Variants in RERE observed in about 807,000 individuals in gnomAD.
RERE encodes arginine-glutamic acid dipeptide repeats protein.
A neutral mutation model predicts 146.1 loss-of-function variants in RERE; 40 were observed. The ratio of observed to expected loss-of-function variants is 0.27; its 90% confidence interval spans 0.21 to 0.36. RERE has a LOEUF of 0.36. RERE is among the 10% of genes least tolerant of loss of function. The probability of loss-of-function intolerance (pLI) is 1.00; values close to 1 mark genes in which losing one functional copy is unlikely to be tolerated. For synonymous variants in RERE, 1,003 were observed against 866.0 expected (o/e 1.16, Z -2.78); for missense variants, 1,933 against 2,138.7 (o/e 0.90, Z 1.90).
chr1:8,650,828 C>T (rs749706566), intron 2 of RERE, among the ~76,000 whole-genome samples: 4 of 151,472 alleles, frequency 2.6e-5, no homozygotes, highest in East Asian at 1.9e-4. Context: ...ACCCAGGAGG[C>T]GGAGGTTGCA....
At chr1:8,369,508 T>TAAAAAAAAAAAAAAAAAAAAAAAAAAAA (rs1186718390) in intron 12 of RERE, among the ~76,000 whole-genome samples, 2 of 76,886 alleles carry the variant, frequency 2.6e-5, no homozygotes, top group African/African-American at 8.5e-5. Context: ...CGCCTTTTAC[T>TAAAAAAAAAAAAAAAAAAAAAAAAAAAA]AAAAAAAAAA....
chr1:8,469,028 T>C (rs904790552), intron 10 of RERE, among the ~76,000 whole-genome samples: 1 of 152,192 alleles, frequency 6.6e-6, no homozygotes, highest in Non-Finnish European at 1.5e-5. Flanking sequence ...TTGAGAGAGT[T>C]ACTTATCATT....
At chr1:8,713,821 G>A (rs1355682515) in intron 1 of RERE, among the ~76,000 whole-genome samples, 1 of 151,934 alleles carries the variant, frequency 6.6e-6, no homozygotes, top group Non-Finnish European at 1.5e-5. Context: ...TAACATTAAA[G>A]GTATTTTATT....
chr1:8,441,752 T>C (rs1211234461), intron 11 of RERE, among the ~76,000 whole-genome samples: 1 of 152,192 alleles, frequency 6.6e-6, no homozygotes, highest in African/African-American at 2.4e-5. Flanking sequence ...GGCACTTACG[T>C]GTTTAAAAAA....
chr1:8,702,167 A>AACAGTG (rs1254946128), intron 1 of RERE, among the ~76,000 whole-genome samples: 2 of 152,176 alleles, frequency 1.3e-5, no homozygotes, highest in Non-Finnish European at 2.9e-5. Context: ...CAGTGTCTCA[A>AACAGTG]TCTTAAAACA....
chr1:8,744,736 T>G (rs1337947904), intron 1 of RERE, among the ~76,000 whole-genome samples: 1 of 152,224 alleles, frequency 6.6e-6, no homozygotes, highest in Non-Finnish European at 1.5e-5. Context: ...TACAAAGTTC[T>G]ACACTGCATT....
chr1:8,790,660 T>C (rs1641347695), intron 1 of RERE, among the ~76,000 whole-genome samples: 1 of 152,240 alleles, frequency 6.6e-6, no homozygotes, highest in Admixed American at 6.5e-5. Context: ...CTCAGATCAC[T>C]GCAATCTCCA....
rs1639266037 is a variant in RERE at position 8,694,017 on chromosome 1, A to G, written c.-144-37576T>C. ...CCTGTTAGCAAAACTGAACAACACC[A>G]ATTTTCTTTCCCAAAAAAAAAAAAA... On this transcript the variant is annotated intron_variant, in intron 1 of 22. Coordinates refer to ENST00000400908, the MANE Select transcript of RERE (RefSeq NM_001042681.2). Among the ~76,000 whole-genome samples the G allele has an allele frequency of 2.9e-5, 4 of 138,570 alleles. 1 individual carries two copies. The South Asian group carries it at 9.2e-4, about 32-fold the overall frequency. 90.9% of individuals were successfully genotyped at this position (138,570 alleles called of 152,430 possible).
At chr1:8,511,590 G>T (rs1230661587) in intron 7 of RERE, among the ~76,000 whole-genome samples, 5 of 152,090 alleles carry the variant, frequency 3.3e-5, no homozygotes, top group African/African-American at 9.7e-5. Context: ...CACCACCTTA[G>T]ACAAAGCTTG....
At chr1:8,503,766 T>C (rs892221463) in intron 8 of RERE, among the ~76,000 whole-genome samples, 2 of 152,186 alleles carry the variant, frequency 1.3e-5, no homozygotes, top group Non-Finnish European at 2.9e-5. Context: ...AGGAACTGTT[T>C]CAAGTAACTC....
chr1:8,414,069 A>AAAG (rs1264747916), intron 12 of RERE, among the ~76,000 whole-genome samples: 2 of 150,706 alleles, frequency 1.3e-5, no homozygotes, highest in East Asian at 2.0e-4. Flanking sequence ...AAAAAAAAAA[A>AAAG]AAAAGAAATG....
intron 11 of RERE, among the ~76,000 whole-genome samples, chr1:8,448,005 C>T (rs1472869260): frequency 2.0e-5 from 3 of 152,192 alleles, no homozygotes; most frequent in African/African-American, 4.8e-5. Flanking sequence ...TATGTCATGT[C>T]GTGCTCCTCT....
At chr1:8,797,036 C>T (rs74050292) in intron 1 of RERE, among the ~76,000 whole-genome samples, 3,439 of 151,762 alleles carry the variant, frequency 0.023, 123 homozygotes, top group African/African-American at 0.078. Context: ...ACCCAACAGA[C>T]GGAAGCCAGT....
chr1:8,441,305 A>C (rs1644244642), intron 11 of RERE, among the ~76,000 whole-genome samples: 1 of 152,180 alleles, frequency 6.6e-6, no homozygotes, highest in South Asian at 2.1e-4. Flanking sequence ...TTCTCTTTCC[A>C]ACAATCCATC....
At chr1:8,786,210 C>T (rs1381450150) in intron 1 of RERE, 3 of 860,960 alleles carry the variant, frequency 3.5e-6, no homozygotes, top group South Asian at 1.3e-5. Flanking sequence ...GTTCATTCTT[C>T]TAAGAAGCCT....
Position 8,805,007 on chromosome 1 carries a change from G to GTTTTTTTTTTTT in RERE, c.-145+12152_-145+12153insAAAAAAAAAAAA, listed in dbSNP as rs1557553356. Among the ~76,000 whole-genome samples the GTTTTTTTTTTTT allele has an allele frequency of 4.4e-4, 27 of 61,350 alleles. 3 individuals are homozygous for GTTTTTTTTTTTT. Among genetic ancestry groups the GTTTTTTTTTTTT allele is most frequent in the Non-Finnish European group, 6.0e-4 (19 of 31,886 alleles). The allele number at this position is 61,350 out of a possible 152,430, so 40.2% of individuals were successfully genotyped here. A position where few individuals can be genotyped will look rare whatever the true frequency, so the allele number is the denominator to read the frequency against. On this transcript the variant is annotated intron_variant, in intron 1 of 22. Coordinates refer to ENST00000400908, the MANE Select transcript of RERE (RefSeq NM_001042681.2). ...ATTTTTTTTGTTTTGTTTTGTTTTT[G>GTTTTTTTTTTTT]GTTTTTTTTTTTTTTTTTTTTGAGA... is the stretch of plus-strand genomic sequence containing the variant.
At chr1:8,649,729 C>T (rs558396504) in intron 2 of RERE, among the ~76,000 whole-genome samples, 17 of 78,742 alleles carry the variant, frequency 2.2e-4, no homozygotes, top group Non-Finnish European at 3.7e-4. Context: ...GACTCCGTCT[C>T]AAAAAAAAAA....
intron 2 of RERE, among the ~76,000 whole-genome samples, chr1:8,648,735 T>C (rs1647445174): frequency 6.6e-6 from 1 of 152,142 alleles, no homozygotes; most frequent in South Asian, 2.1e-4. Flanking sequence ...AATAAAATGG[T>C]CAAATATTTT....
At chr1:8,734,636 T>C (rs1253724286) in intron 1 of RERE, among the ~76,000 whole-genome samples, 1 of 152,192 alleles carries the variant, frequency 6.6e-6, no homozygotes, top group Non-Finnish European at 1.5e-5. Context: ...ACTACCAATA[T>C]AGTTACTATA....
Sources: gnomAD v4.1 joint callset for allele counts (sites outside exome capture counted in the v4.1 genomes callset) on GRCh38, gnomAD v4.1.1 for gene constraint, MANE v1.5 for transcripts, NCBI Gene and HGNC (gene_info 2026-07-23, HGNC 2026-07-21) for gene names.